Variants in TYW1B observed in about 807,000 individuals in gnomAD.
TYW1B encodes the protein S-adenosyl-L-methionine-dependent tRNA 4-demethylwyosine synthase TYW1B.
A neutral mutation model predicts 86.9 loss-of-function variants in TYW1B; 73 were observed. That is an observed-to-expected ratio of 0.84 (90% CI 0.70 to 1.02). The LOEUF (loss-of-function observed/expected upper bound fraction) is 1.02. TYW1B is among the 50% of genes least tolerant of loss of function. The probability of loss-of-function intolerance (pLI) is 0.00; values close to 1 mark genes in which losing one functional copy is unlikely to be tolerated. For missense variants in TYW1B, 637 were observed against 827.4 expected, an observed-to-expected ratio of 0.77 and a Z score of 2.82; for synonymous variants, 248 against 292.8, an observed-to-expected ratio of 0.85 and a Z score of 1.56.
chr7:72,716,129 G>T (rs2844067), intron 9 of TYW1B, among the ~76,000 whole-genome samples: 2 of 151,992 alleles, frequency 1.3e-5, no homozygotes, highest in Admixed American at 1.3e-4. Context: ...AGTAGAGATG[G>T]GGTTTCACCA....
At chr7:72,791,950 A>C (rs1199034011) in intron 6 of TYW1B, among the ~76,000 whole-genome samples, 2 of 152,164 alleles carry the variant, frequency 1.3e-5, no homozygotes, top group African/African-American at 4.8e-5. Context: ...GACCGCAACA[A>C]ATCTGTAGCT....
At chr7:72,710,425 A>T (rs1463159817) in intron 10 of TYW1B, among the ~76,000 whole-genome samples, 1 of 152,240 alleles carries the variant, frequency 6.6e-6, no homozygotes, top group Non-Finnish European at 1.5e-5. Flanking sequence ...TCACCTTTTT[A>T]TACAACTTCA....
chr7:72,615,564 A>G (rs1554436723), intron 13 of TYW1B, among the ~76,000 whole-genome samples: 4 of 152,172 alleles, frequency 2.6e-5, no homozygotes, highest in Non-Finnish European at 5.9e-5. Flanking sequence ...AAGGCACTGG[A>G]GAAGACAAGG....
intron 10 of TYW1B, among the ~76,000 whole-genome samples, chr7:72,696,484 T>C (rs2844217): frequency 6.6e-6 from 1 of 152,244 alleles, no homozygotes; most frequent in Non-Finnish European, 1.5e-5. Context: ...GAAAATATCA[T>C]TCACATTCCA....
intron 13 of TYW1B, among the ~76,000 whole-genome samples, chr7:72,607,590 A>C (rs1554435121): frequency 2.0e-5 from 3 of 152,038 alleles, no homozygotes. Context: ...TAAAATAATA[A>C]ATGGTTCAAC....
At chr7:72,787,326 G>T (rs1788145632) in intron 6 of TYW1B, among the ~76,000 whole-genome samples, 1 of 151,964 alleles carries the variant, frequency 6.6e-6, no homozygotes. Flanking sequence ...AGGCAGGCAT[G>T]GTAGCACATG....
At chr7:72,820,701 C>A (rs1388020711) in intron 2 of TYW1B, among the ~76,000 whole-genome samples, 2 of 152,122 alleles carry the variant, frequency 1.3e-5, no homozygotes, top group East Asian at 3.9e-4. Context: ...ACCCCTCCCC[C>A]AGGGATTCAT....
intron 13 of TYW1B, among the ~76,000 whole-genome samples, chr7:72,591,161 A>C (rs781902725): frequency 2.0e-5 from 3 of 152,096 alleles, no homozygotes; most frequent in Non-Finnish European, 2.9e-5. Context: ...AAAAAAAGAA[A>C]GAAAAGAAAA....
At position 72,810,531 on chromosome 7, in the gene TYW1B, C is replaced by T. The variant is rs782330439; in HGVS notation, c.372G>A (p.Lys124=). Residue 124 remains lysine, a synonymous_variant, in exon 4 of 14, where the codon AAG becomes AAA. Transcript: ENST00000620995. The stretch of plus-strand genomic sequence containing the variant: ...GGCCAAATACCGCATCTCTCATACC[C>T]TTCAGGTAAGTTTTGCCAAATCGAA... ...IDFRFGKTYL[K]GMRDAVFGLG... 2 of 1,613,946 alleles carry T rather than the reference C, an allele frequency of 1.2e-6. No homozygotes were observed. Among genetic ancestry groups the T allele is most frequent in the Non-Finnish European group, 1.7e-6 (2 of 1,179,854 alleles).
In TYW1B at chr7:72,802,809, C is replaced by T. The variant is rs184383269; in HGVS notation, c.724-287G>A. On this transcript the variant is annotated intron_variant, in intron 5 of 13. Coordinates refer to ENST00000620995, the MANE Select transcript of TYW1B (RefSeq NM_001145440.3). ...CTAATTTTTGTAGTTTTAGTAGAGA[C>T]AGGGTTTCACCATGTTGGCCAGGCT... 4.2e-3 allele frequency among the ~76,000 whole-genome samples: 636 copies of T among 152,206 alleles called. 6 individuals are homozygous for T. Among genetic ancestry groups the T allele is most frequent in the African/African-American group, 0.015 (604 of 41,552 alleles).
At chr7:72,780,142 C>T (rs1554471390) in intron 6 of TYW1B, among the ~76,000 whole-genome samples, 1 of 152,122 alleles carries the variant, frequency 6.6e-6, no homozygotes, top group African/African-American at 2.4e-5. Flanking sequence ...AATCCTTTGC[C>T]TTTTGTTTTC....
chr7:72,730,190 G>A (rs1293832345), intron 8 of TYW1B, among the ~76,000 whole-genome samples: 26 of 151,882 alleles, frequency 1.7e-4, no homozygotes, highest in Non-Finnish European at 3.4e-4. Context: ...AAGAAAACAT[G>A]ACACTCCCAA....
At chr7:72,672,409 T>C (rs1813627225) in intron 11 of TYW1B, among the ~76,000 whole-genome samples, 1 of 151,506 alleles carries the variant, frequency 6.6e-6, no homozygotes, top group African/African-American at 2.4e-5. Flanking sequence ...AAGAGGGAAA[T>C]CTTTTTTAAA....
At chr7:72,681,161 C>G (rs1263227097) in intron 11 of TYW1B, among the ~76,000 whole-genome samples, 1 of 152,166 alleles carries the variant, frequency 6.6e-6, no homozygotes, top group Non-Finnish European at 1.5e-5. Context: ...TTCAGAGACC[C>G]AAGCTTTCAA....
rs1812171193 is a variant in TYW1B, at chr7:72,619,746, G to A, written c.1618-2907C>T. On this transcript the variant is annotated intron_variant, in intron 12 of 13. Coordinates refer to ENST00000620995, the MANE Select transcript of TYW1B (RefSeq NM_001145440.3). ...AAACATGAAAATTATTTATTGATAAGCATTAGTCATAAAAGTGTACTCTAT... is the reference window on the plus strand; with the variant it reads ...AAACATGAAAATTATTTATTGATAAACATTAGTCATAAAAGTGTACTCTAT... Among the ~76,000 whole-genome samples, 3 of 151,652 alleles carry A rather than the reference G, an allele frequency of 2.0e-5. No homozygotes were observed. The South Asian group carries it at 6.2e-4, about 31-fold the overall frequency.
At chr7:72,599,677 AT>A (rs1260119115) in intron 13 of TYW1B, among the ~76,000 whole-genome samples, 3 of 152,208 alleles carry the variant, frequency 2.0e-5, no homozygotes, top group Non-Finnish European at 4.4e-5. Flanking sequence ...CTAACAGGTG[AT>A]TATAGCAAGG....
At chr7:72,757,983 C>T (rs1474017414) in intron 7 of TYW1B, among the ~76,000 whole-genome samples, 9 of 152,078 alleles carry the variant, frequency 5.9e-5, no homozygotes, top group South Asian at 2.1e-4. Flanking sequence ...TTTGGGCAGC[C>T]GAGGTGGGCA....
intron 7 of TYW1B, 122 bp downstream of exon 7, chr7:72,777,294 A>C: frequency 8.6e-7 from 1 of 1,162,942 alleles, no homozygotes; most frequent in Non-Finnish European, 1.2e-6. Flanking sequence ...GTAAATCTTT[A>C]GACTGTTATA....
chr7:72,810,385 C>A, intron 4 of TYW1B, 86 bp downstream of exon 4: 1 of 887,332 alleles, frequency 1.1e-6, no homozygotes, highest in Non-Finnish European at 1.6e-6. Context: ...CGTGTGTGCA[C>A]GTGTGTTTGT....
Sources: allele counts gnomAD v4.1 joint callset (sites outside exome capture counted in the v4.1 genomes callset), GRCh38; gene constraint gnomAD v4.1.1; transcripts MANE v1.5; gene names NCBI Gene and HGNC (gene_info 2026-07-23, HGNC 2026-07-21).